Variants in NRG1 observed in about 807,000 individuals in gnomAD.
The protein encoded by NRG1 is pro-neuregulin-1, membrane-bound isoform.
A neutral mutation model predicts 63.8 loss-of-function variants in NRG1; 18 were observed. The ratio of observed to expected loss-of-function variants is 0.28; its 90% confidence interval spans 0.19 to 0.42. The LOEUF (loss-of-function observed/expected upper bound fraction) is 0.42. Ranked by LOEUF, NRG1 falls within the 10% of genes least tolerant of loss-of-function variation. NRG1 has a pLI of 1.00. For synonymous variants in NRG1, 302 were observed against 301.3 expected (o/e 1.00, Z -0.02); for missense variants, 762 against 814.7 (o/e 0.94, Z 0.79).
At chr8:31,653,060 C>T (rs1805063058) in intron 1 of NRG1, among the ~76,000 whole-genome samples, 2 of 132,726 alleles carry the variant, frequency 1.5e-5, no homozygotes, top group African/African-American at 2.8e-5. Flanking sequence ...CTCCTCTTGT[C>T]TTCCCATTGA....
chr8:32,153,171 G>C (rs1370208041), intron 1 of NRG1, among the ~76,000 whole-genome samples: 1 of 152,132 alleles, frequency 6.6e-6, no homozygotes, highest in East Asian at 1.9e-4. Context: ...CAGAGGTAGA[G>C]GTGGAAGAGA....
chr8:32,143,440 A>G (rs1334196694), intron 1 of NRG1, among the ~76,000 whole-genome samples: 1 of 152,212 alleles, frequency 6.6e-6, no homozygotes, highest in Non-Finnish European at 1.5e-5. Context: ...TCCCCAGACC[A>G]TGAGCTCCAT....
chr8:32,183,778 C>T (rs891093995), intron 1 of NRG1, among the ~76,000 whole-genome samples: 4 of 152,166 alleles, frequency 2.6e-5, no homozygotes, highest in Non-Finnish European at 5.9e-5. Flanking sequence ...AGAAAACACT[C>T]CTCCAGGTCT....
intron 1 of NRG1, among the ~76,000 whole-genome samples, chr8:31,899,109 CTT>C (rs35827479): frequency 2.0e-4 from 29 of 147,596 alleles, no homozygotes; most frequent in South Asian, 1.3e-3. Flanking sequence ...TTTAAGTTTC[CTT>C]TTTTTTTTTT....
At chr8:31,728,591 A>G (rs918034736) in intron 1 of NRG1, among the ~76,000 whole-genome samples, 4 of 152,082 alleles carry the variant, frequency 2.6e-5, no homozygotes, top group Non-Finnish European at 4.4e-5. Flanking sequence ...GGGTGCATCA[A>G]TGTATGAAAG....
intron 1 of NRG1, among the ~76,000 whole-genome samples, chr8:32,409,739 G>T (rs1814621512): frequency 6.6e-6 from 1 of 152,184 alleles, no homozygotes; most frequent in African/African-American, 2.4e-5. Flanking sequence ...AGCTTTGATA[G>T]TTAACTTCTC....
intron 1 of NRG1, among the ~76,000 whole-genome samples, chr8:32,276,869 A>G (rs1004753199): frequency 1.3e-5 from 2 of 152,226 alleles, no homozygotes; most frequent in Admixed American, 6.5e-5. Flanking sequence ...CAGTGCCAGC[A>G]TCTAAGGTAC....
At chr8:32,569,607 A>G (rs1170431469) in intron 1 of NRG1, among the ~76,000 whole-genome samples, 1 of 152,064 alleles carries the variant, frequency 6.6e-6, no homozygotes, top group Non-Finnish European at 1.5e-5. Context: ...AAGCACTTGT[A>G]CTTTCTTTTC....
intron 1 of NRG1, among the ~76,000 whole-genome samples, chr8:31,644,717 T>G (rs567484554): frequency 1.4e-3 from 216 of 150,906 alleles, no homozygotes; most frequent in African/African-American, 4.9e-3. Context: ...TTTCTTCCTG[T>G]TTTTTTTTCT....
chr8:32,703,340 C>T (rs1179043703), intron 5 of NRG1, among the ~76,000 whole-genome samples: 1 of 151,510 alleles, frequency 6.6e-6, no homozygotes, highest in Non-Finnish European at 1.5e-5. Flanking sequence ...AATATCATAT[C>T]TGTTTGATTT....
At chr8:31,714,422 G>C (rs1175537476) in intron 1 of NRG1, among the ~76,000 whole-genome samples, 2 of 151,992 alleles carry the variant, frequency 1.3e-5, no homozygotes, top group African/African-American at 4.8e-5. Context: ...ATGGTAAGGT[G>C]GATAAAGCAC....
In NRG1 at chr8:32,171,939, A is replaced by C. The variant is rs190164916; in HGVS notation, c.38-423889A>C. Among the ~76,000 whole-genome samples the C allele has an allele frequency of 9.1e-4, 138 of 152,232 alleles. 3 individuals carry two copies. Among genetic ancestry groups the C allele is most frequent in the African/African-American group, 3.1e-3 (129 of 41,544 alleles). On this transcript the variant is annotated intron_variant, in intron 1 of 10. Coordinates refer to the NRG1 transcript ENST00000519301. ...CTGGGGGCAGGGAATAGCCAAACAA[A>C]AGGCAGCAGAATCCTCTGCAGACTT...
chr8:32,208,506 C>T (rs1032072105), intron 1 of NRG1, among the ~76,000 whole-genome samples: 3 of 152,078 alleles, frequency 2.0e-5, no homozygotes, highest in South Asian at 2.1e-4. Context: ...GATCCGCCCA[C>T]GTCGGCCTCC....
intron 1 of NRG1, among the ~76,000 whole-genome samples, chr8:32,543,040 T>TA (rs1832723828): frequency 6.6e-6 from 1 of 152,324 alleles, no homozygotes; most frequent in South Asian, 2.1e-4. Flanking sequence ...CTAGGCTTTT[T>TA]ATCTTCATTC....
intron 1 of NRG1, among the ~76,000 whole-genome samples, chr8:32,222,713 G>A (rs1845947994): frequency 6.6e-6 from 1 of 152,062 alleles, no homozygotes; most frequent in Non-Finnish European, 1.5e-5. Context: ...GTGGCTCTCA[G>A]AGCTTCTAGT....
At position 31,840,349 on chromosome 8, in the gene NRG1, CTTT is replaced by C. The variant is rs71992716; in HGVS notation, c.37+200933_37+200935del. Reference sequence around the variant, plus strand: ...AAAGGTCAAATGTGCTATTCTCTGTCTTTTTTTTTTTTTTTTTGGTCTGAATTA... The same window carrying C: ...AAAGGTCAAATGTGCTATTCTCTGTCTTTTTTTTTTTTTTGGTCTGAATTA... On this transcript the variant is annotated intron_variant, in intron 1 of 10. Transcript: ENST00000519301. Among the ~76,000 whole-genome samples, 672 of 116,842 alleles carry C rather than the reference CTTT, an allele frequency of 5.8e-3. 7 individuals carry two copies. Among genetic ancestry groups the C allele is most frequent in the South Asian group, 0.033 (107 of 3,202 alleles). The allele number at this position is 116,842 out of a possible 152,430, so 76.7% of individuals were successfully genotyped here.
Position 32,430,303 on chromosome 8 carries a change from A to G in NRG1, c.38-165525A>G, listed in dbSNP as rs570713927. On this transcript the variant is annotated intron_variant, in intron 1 of 10. Coordinates refer to the NRG1 transcript ENST00000519301. Reference sequence around the variant, plus strand: ...ATTTATGCTTACTCATAAAACAGGGAATGTTATAATATTTCTCTGCTTCAC... The same window carrying G: ...ATTTATGCTTACTCATAAAACAGGGGATGTTATAATATTTCTCTGCTTCAC... Among the ~76,000 whole-genome samples, 10 of 152,296 alleles carry G rather than the reference A, an allele frequency of 6.6e-5. No individual in the cohort carries two copies. The East Asian group carries it at 1.7e-3, about 26-fold the overall frequency.
chr8:32,208,785 T>A (rs1023346245), intron 1 of NRG1, among the ~76,000 whole-genome samples: 2 of 152,316 alleles, frequency 1.3e-5, no homozygotes, highest in Middle Eastern at 3.4e-3. Context: ...AGTGAAAAGT[T>A]TGTGCAATTT....
chr8:31,953,112 T>C (rs749860456), intron 1 of NRG1, among the ~76,000 whole-genome samples: 6 of 152,168 alleles, frequency 3.9e-5, no homozygotes, highest in Non-Finnish European at 8.8e-5. Context: ...AAAAGGGTTT[T>C]TTTTTTCTGA....
Sources: gnomAD v4.1 joint callset for allele counts (sites outside exome capture counted in the v4.1 genomes callset) on GRCh38, gnomAD v4.1.1 for gene constraint, MANE v1.5 for transcripts, NCBI Gene and HGNC (gene_info 2026-07-23, HGNC 2026-07-21) for gene names.